MAP3K13: variants seen among roughly 807,000 people sequenced by gnomAD.
The protein encoded by MAP3K13 is leucine zipper-bearing kinase.
A neutral mutation model predicts 104.0 loss-of-function variants in MAP3K13; 52 were observed. The observed-to-expected ratio is 0.50, with a 90% confidence interval of 0.40 to 0.63. MAP3K13 has a LOEUF of 0.63. MAP3K13 is among the 20% of genes least tolerant of loss of function. The probability of loss-of-function intolerance (pLI) is 0.00; values close to 1 mark genes in which losing one functional copy is unlikely to be tolerated. For synonymous variants in MAP3K13, 394 were observed against 442.2 expected, an observed-to-expected ratio of 0.89 and a Z score of 1.37; for missense variants, 914 against 1,218.5, an observed-to-expected ratio of 0.75 and a Z score of 3.72.
At chr3:185,362,981 A>T (rs867997850), upstream of MAP3K13, 180 of 461,730 alleles carry the variant, frequency 3.9e-4, 3 homozygotes, top group Middle Eastern at 1.1e-3. Flanking sequence ...ACACACACAC[A>T]CTCAAGCTGC....
At position 185,477,411 on chromosome 3, in the gene MAP3K13, T is replaced by C. The variant is rs1164854531; in HGVS notation, c.2501+15T>C. 6.3e-6 allele frequency: 10 copies of C among 1,592,590 alleles called. No homozygotes were observed. The highest frequency in any genetic ancestry group is 1.7e-6 in the Non-Finnish European group (2 of 1,160,784). On this transcript the variant is annotated intron_variant, in intron 12 of 13. Coordinates refer to ENST00000265026, the MANE Select transcript of MAP3K13 (RefSeq NM_004721.5). ...CGAAGACAGAGGTAAAACCAACAAA[T>C]GCACACGATTGCTTTTAGTGGAATG...
intron 2 of MAP3K13, among the ~76,000 whole-genome samples, chr3:185,325,448 GGCCACCATTCA>G (rs2108700011): frequency 6.6e-6 from 1 of 152,222 alleles, no homozygotes; most frequent in South Asian, 2.1e-4. Context: ...CTTTCTGAGG[GGCCACCATTCA>G]GCCTACTACA....
intron 1 of MAP3K13, among the ~76,000 whole-genome samples, chr3:185,384,337 T>TGTGA (rs754587735): frequency 2.1e-4 from 32 of 150,490 alleles, no homozygotes; most frequent in Non-Finnish European, 4.0e-4. Flanking sequence ...TGTGTGTGTG[T>TGTGA]GAGACACATT....
chr3:185,377,318 G>A (rs910407427), intron 1 of MAP3K13, among the ~76,000 whole-genome samples: 4 of 152,116 alleles, frequency 2.6e-5, no homozygotes, highest in Non-Finnish European at 4.4e-5. Context: ...GGGTGATTAG[G>A]TTTTAATGGG....
Position 185,447,855 on chromosome 3 carries a change from C to G in MAP3K13, c.918C>G (p.Asp306Glu). Residue 306 changes from aspartate (D) to glutamate (E), a missense_variant, in exon 5 of 14, where the codon GAC (aspartate) becomes GAG (glutamate). Transcript: ENST00000265026. ...TTGGTACATCTAAGGAACTCAGTGA[C>G]AAAAGTACCAAGATGTCATTTGCTG... is the stretch of plus-strand genomic sequence containing the variant. ...SDFGTSKELS[D>E]KSTKMSFAGT... 6.2e-7 allele frequency: 1 copy of G among 1,613,938 alleles called. No homozygotes were observed. Among genetic ancestry groups the G allele is most frequent in the Non-Finnish European group, 8.5e-7 (1 of 1,179,904 alleles).
intron 7 of MAP3K13, among the ~76,000 whole-genome samples, chr3:185,457,222 T>G (rs1315406360): frequency 6.6e-6 from 1 of 151,992 alleles, no homozygotes; most frequent in Non-Finnish European, 1.5e-5. Context: ...AAAGGTTGTC[T>G]TGGGAAAAGA....
chr3:185,315,956 G>T lies in MAP3K13; in HGVS notation c.-86+30313G>T, dbSNP rs970768602. ...AGGTATAGAAGATCAATTAGAGAAA[G>T]CCCTGAACAGAAAGGCAATATATTT... On this transcript the variant is annotated intron_variant, in intron 2 of 14. Coordinates refer to the MAP3K13 transcript ENST00000424227. This position sits in a 1 kb window ranked among gnomAD's most constrained non-coding sequence, Gnocchi z 4.3. 6.6e-6 allele frequency among the ~76,000 whole-genome samples: 1 copy of T among 152,088 alleles called. No homozygotes were observed. Among genetic ancestry groups the T allele is most frequent in the African/African-American group, 2.4e-5 (1 of 41,418 alleles).
At chr3:185,284,405 T>C (rs1031609317) in intron 1 of MAP3K13, among the ~76,000 whole-genome samples, 10 of 152,174 alleles carry the variant, frequency 6.6e-5, no homozygotes, top group African/African-American at 2.4e-4. Flanking sequence ...AAGTACTTGC[T>C]TAGGTGTCTT....
In MAP3K13 at chr3:185,463,590, T is replaced by C; in HGVS notation, c.1319T>C (p.Ile440Thr). ...REEVKKHFEKIKSEGTCIHRL... is the reference protein window; with the variant it reads ...REEVKKHFEKTKSEGTCIHRL... ...GAAGTGAAAAAACATTTTGAGAAGA[T>C]CAAAAGTGAAGGAACTTGTATACAC... Residue 440 changes from isoleucine (I) to threonine (T), a missense_variant, in exon 8 of 14, where the codon ATC becomes ACC. Transcript: ENST00000265026. The C allele has an allele frequency of 6.2e-7, 1 of 1,612,712 alleles. No homozygotes were observed. Among genetic ancestry groups the C allele is most frequent in the Non-Finnish European group, 8.5e-7 (1 of 1,178,950 alleles).
intron 2 of MAP3K13, among the ~76,000 whole-genome samples, chr3:185,289,392 T>C (rs1720651100): frequency 6.6e-6 from 1 of 152,132 alleles, no homozygotes; most frequent in Non-Finnish European, 1.5e-5. Flanking sequence ...TAATCTCTTA[T>C]TCCTATATTT....
intron 9 of MAP3K13, among the ~76,000 whole-genome samples, chr3:185,466,249 C>G (rs1467319178): frequency 6.6e-6 from 1 of 151,974 alleles, no homozygotes; most frequent in Non-Finnish European, 1.5e-5. Flanking sequence ...TAAGCAGCTA[C>G]TGAAAACAAG....
chr3:185,375,838 GA>G (rs1724400375), intron 1 of MAP3K13, among the ~76,000 whole-genome samples: 1 of 152,148 alleles, frequency 6.6e-6, no homozygotes, highest in Admixed American at 6.6e-5. Flanking sequence ...GCCTAGTGAG[GA>G]AATTTCTTTC....
At chr3:185,405,828 G>A (rs1713083853) in intron 1 of MAP3K13, among the ~76,000 whole-genome samples, 1 of 152,166 alleles carries the variant, frequency 6.6e-6, no homozygotes, top group African/African-American at 2.4e-5. Flanking sequence ...GCTCCTTGAG[G>A]GTAGGACTAT....
At chr3:185,439,510 T>A (rs530141103) in intron 3 of MAP3K13, among the ~76,000 whole-genome samples, 76 of 152,182 alleles carry the variant, frequency 5.0e-4, no homozygotes, top group African/African-American at 1.8e-3. Flanking sequence ...CCCTCCTAAA[T>A]GGAAGGAAGG....
At chr3:185,437,372 G>A (rs1182586548) in intron 2 of MAP3K13, 75 bp from the exon 3 acceptor site, 10 of 1,318,518 alleles carry the variant, frequency 7.6e-6, no homozygotes, top group Non-Finnish European at 1.1e-5. Flanking sequence ...CGATGAAGTT[G>A]GTACCTTCAG....
At chr3:185,336,196 T>G (rs187836421) in intron 2 of MAP3K13, among the ~76,000 whole-genome samples, 1 of 152,012 alleles carries the variant, frequency 6.6e-6, no homozygotes, top group Admixed American at 6.6e-5. Context: ...TTCAGGAAAA[T>G]AAATCTCAAA....
At chr3:185,292,886 A>T in intron 2 of MAP3K13, 1 of 983,876 alleles carries the variant, frequency 1.0e-6, no homozygotes, top group Non-Finnish European at 1.2e-6. Context: ...AGATTATAAC[A>T]TATTAGTGAT....
intron 2 of MAP3K13, among the ~76,000 whole-genome samples, chr3:185,329,649 C>G (rs1355841537): frequency 6.6e-6 from 1 of 152,164 alleles, no homozygotes; most frequent in African/African-American, 2.4e-5. Flanking sequence ...AAATGAGTTT[C>G]ATATATGAAA....
chr3:185,374,445 T>A (rs9839727), intron 1 of MAP3K13, among the ~76,000 whole-genome samples: 16,268 of 152,042 alleles, frequency 0.11, 1,276 homozygotes, highest in African/African-American at 0.21. Flanking sequence ...TGTGGGGTTG[T>A]TAGAAGAAAC....
Sources: allele counts gnomAD v4.1 joint callset (sites outside exome capture counted in the v4.1 genomes callset), GRCh38; gene constraint gnomAD v4.1.1; non-coding constraint Gnocchi (gnomAD v3.1); transcripts MANE v1.5; gene names NCBI Gene and HGNC (gene_info 2026-07-23, HGNC 2026-07-21).